FER: variants seen among roughly 807,000 people sequenced by gnomAD.
FER encodes the protein tyrosine-protein kinase Fer.
In FER, 63 loss-of-function variants were observed where a neutral mutation model predicts 111.0. The observed-to-expected ratio is 0.57, with a 90% CI of 0.46 to 0.70. FER has a LOEUF of 0.70. FER is among the 30% of genes least tolerant of loss of function. The pLI is 0.00. For synonymous variants in FER, 327 were observed against 313.9 expected, an observed-to-expected ratio of 1.04 and a Z score of -0.44; for missense variants, 914 against 954.0, an observed-to-expected ratio of 0.96 and a Z score of 0.55.
At chr5:108,945,160 A>G (rs1756807760) in intron 10 of FER, among the ~76,000 whole-genome samples, 1 of 152,186 alleles carries the variant, frequency 6.6e-6, no homozygotes, top group Admixed American at 6.5e-5. Flanking sequence ...GTTTTCCAGA[A>G]GTAAAATTTG....
At chr5:109,159,120 T>G (rs573154766) in intron 17 of FER, among the ~76,000 whole-genome samples, 40 of 152,272 alleles carry the variant, frequency 2.6e-4, no homozygotes, top group African/African-American at 9.4e-4. Context: ...CTCTGGCCAG[T>G]TGGGTAAAAG....
intron 13 of FER, among the ~76,000 whole-genome samples, chr5:108,997,053 GCTCT>G (rs1561743221): frequency 2.0e-5 from 3 of 151,838 alleles, no homozygotes; most frequent in Admixed American, 1.3e-4. Flanking sequence ...TCATGATTTG[GCTCT>G]CTGTCTGTTA....
chr5:108,798,056 A>AG lies in FER; in HGVS notation c.-59-68_-59-67insG, dbSNP rs548566546. 4.2e-4 allele frequency: 243 copies of AG among 574,388 alleles called. No homozygotes were observed. In the African/African-American group the frequency reaches 5.9e-3, roughly 14 times the overall value. The allele number at this position is 574,388 out of a possible 1,614,324, so 35.6% of individuals were successfully genotyped here. A position where few individuals can be genotyped will look rare whatever the true frequency, so the allele number is the denominator to read the frequency against. On this transcript the variant is annotated intron_variant, in intron 2 of 19. Coordinates refer to ENST00000281092, the MANE Select transcript of FER (RefSeq NM_005246.4). Reference sequence around the variant, plus strand: ...TAACCCCAAAGAAGAATCTATCATAACTTTTTTTTTTTTGAAGACTAATTT... The same window carrying AG: ...TAACCCCAAAGAAGAATCTATCATAAGCTTTTTTTTTTTTGAAGACTAATTT...
At chr5:108,973,293 T>C (rs905034491) in intron 13 of FER, among the ~76,000 whole-genome samples, 3 of 152,316 alleles carry the variant, frequency 2.0e-5, no homozygotes, top group African/African-American at 7.2e-5. Flanking sequence ...AACGATTTAA[T>C]TGTGCCACAA....
At chr5:109,082,571 A>G (rs1328662032) in intron 16 of FER, among the ~76,000 whole-genome samples, 3 of 151,994 alleles carry the variant, frequency 2.0e-5, no homozygotes, top group Non-Finnish European at 4.4e-5. Flanking sequence ...AAACTATTAA[A>G]CATACGAAAG....
intron 17 of FER, among the ~76,000 whole-genome samples, chr5:109,166,805 C>G (rs1756603334): frequency 6.6e-6 from 1 of 152,128 alleles, no homozygotes; most frequent in African/African-American, 2.4e-5. Context: ...GATTGAGTCC[C>G]TCTCATTCGA....
intron 13 of FER, among the ~76,000 whole-genome samples, chr5:109,027,536 C>A (rs72790554): frequency 1.3e-5 from 2 of 152,008 alleles, no homozygotes; most frequent in East Asian, 3.9e-4. Context: ...AGTCACACTT[C>A]TAATCACTCT....
chr5:108,953,661 T>A (rs1167727905), intron 11 of FER, among the ~76,000 whole-genome samples: 1 of 152,084 alleles, frequency 6.6e-6, no homozygotes, highest in Non-Finnish European at 1.5e-5. Flanking sequence ...ACTACAAAAT[T>A]ACCATACTTT....
chr5:109,156,720 G>C (rs1561968133), intron 17 of FER, among the ~76,000 whole-genome samples: 1 of 151,952 alleles, frequency 6.6e-6, no homozygotes, highest in Non-Finnish European at 1.5e-5. Flanking sequence ...AGAAACTAAA[G>C]GAATAGTTTC....
intron 13 of FER, among the ~76,000 whole-genome samples, chr5:109,029,520 C>T (rs1395535277): frequency 6.7e-6 from 1 of 149,732 alleles, no homozygotes; most frequent in Non-Finnish European, 1.5e-5. Flanking sequence ...AATCCTCCTG[C>T]CTCGGCTTCC....
At chr5:108,826,985 A>G (rs1052299764) in intron 3 of FER, among the ~76,000 whole-genome samples, 3 of 152,164 alleles carry the variant, frequency 2.0e-5, no homozygotes, top group African/African-American at 4.8e-5. Context: ...CAATTTAAGT[A>G]GCACCAAAGT....
At chr5:109,056,625 A>G (rs1003658144) in intron 16 of FER, among the ~76,000 whole-genome samples, 4 of 152,180 alleles carry the variant, frequency 2.6e-5, no homozygotes, top group African/African-American at 9.7e-5. Context: ...ATGTAGAATG[A>G]TCAAGTCTAG....
chr5:108,910,770 T>C (rs1451460100), intron 10 of FER, among the ~76,000 whole-genome samples: 2 of 152,076 alleles, frequency 1.3e-5, no homozygotes, highest in Non-Finnish European at 2.9e-5. Flanking sequence ...TCACTTAGGA[T>C]GATGGATCAT....
intron 9 of FER, among the ~76,000 whole-genome samples, chr5:108,892,422 A>G (rs1488556937): frequency 2.0e-5 from 3 of 152,038 alleles, no homozygotes; most frequent in South Asian, 2.1e-4. Context: ...GCCAGTGATG[A>G]TGAGCATTTT....
At chr5:108,792,804 C>G (rs6894386) in intron 2 of FER, among the ~76,000 whole-genome samples, 35,646 of 149,916 alleles carry the variant, frequency 0.24, 4,434 homozygotes, top group African/African-American at 0.31. Flanking sequence ...ATTTATTTTT[C>G]TATATTGTAT....
At chr5:108,819,587 C>T (rs948023589) in intron 3 of FER, among the ~76,000 whole-genome samples, 2 of 152,028 alleles carry the variant, frequency 1.3e-5, no homozygotes, top group Non-Finnish European at 2.9e-5. Flanking sequence ...TGCGAGTGTG[C>T]AAGAGGTTGG....
chr5:109,017,423 G>T (rs114043350), intron 13 of FER, among the ~76,000 whole-genome samples: 1 of 151,954 alleles, frequency 6.6e-6, no homozygotes, highest in African/African-American at 2.4e-5. Context: ...AATGTTGGAT[G>T]TGATGTCCTC....
At chr5:109,007,956 C>G (rs564087406) in intron 13 of FER, among the ~76,000 whole-genome samples, 6 of 152,046 alleles carry the variant, frequency 3.9e-5, no homozygotes, top group Non-Finnish European at 8.8e-5. Context: ...TAGATAATTA[C>G]TTTTAGCTAC....
intron 13 of FER, among the ~76,000 whole-genome samples, chr5:109,017,420 G>A (rs895344847): frequency 2.6e-5 from 4 of 151,942 alleles, no homozygotes; most frequent in African/African-American, 9.7e-5. Flanking sequence ...CAAAATGTTG[G>A]ATGTGATGTC....
Sources: allele counts gnomAD v4.1 joint callset (sites outside exome capture counted in the v4.1 genomes callset), GRCh38; gene constraint gnomAD v4.1.1; transcripts MANE v1.5; gene names NCBI Gene and HGNC (gene_info 2026-07-23, HGNC 2026-07-21).